ADAMDEC1: variants seen among roughly 807,000 people sequenced by gnomAD.
ADAMDEC1 encodes the protein ADAM like decysin 1, also known as ADAM DEC1.
Under a neutral mutation model 60.4 loss-of-function variants are expected in ADAMDEC1, and 62 were observed. That is an observed-to-expected ratio of 1.03 (90% CI 0.84 to 1.27). The LOEUF (loss-of-function observed/expected upper bound fraction) is 1.27. ADAMDEC1 is among the 50% of genes most tolerant of loss of function. The pLI, the probability that ADAMDEC1 is intolerant of heterozygous loss-of-function variation, is 0.00. For missense variants in ADAMDEC1, 595 were observed against 565.0 expected, an observed-to-expected ratio of 1.05 and a Z score of -0.54; for synonymous variants, 210 against 195.1, an observed-to-expected ratio of 1.08 and a Z score of -0.64.
intron 5 of ADAMDEC1, among the ~76,000 whole-genome samples, chr8:24,396,823 G>C (rs1260042108): frequency 6.6e-6 from 1 of 152,140 alleles, no homozygotes; most frequent in African/African-American, 2.4e-5. Flanking sequence ...TGTGATTATA[G>C]AAAGAGGGAT....
chr8:24,390,235 C>A, intron 1 of ADAMDEC1: 1 of 1,084,494 alleles, frequency 9.2e-7, no homozygotes, highest in Non-Finnish European at 1.2e-6. Flanking sequence ...TGCTTACTGT[C>A]TAGAAAAGAA....
At chr8:24,390,637 T>C (rs1481310727) in intron 1 of ADAMDEC1, among the ~76,000 whole-genome samples, 3 of 152,118 alleles carry the variant, frequency 2.0e-5, no homozygotes, top group African/African-American at 7.2e-5. Flanking sequence ...GGAGAATCGT[T>C]TGAACCTGGG....
chr8:24,386,346 T>G (rs1168305178), intron 1 of ADAMDEC1, among the ~76,000 whole-genome samples: 2 of 152,200 alleles, frequency 1.3e-5, no homozygotes, highest in African/African-American at 4.8e-5. Flanking sequence ...TTACCATCAT[T>G]TTTAACAGTG....
intron 13 of ADAMDEC1, among the ~76,000 whole-genome samples, chr8:24,405,022 G>C (rs1227793551): frequency 6.6e-6 from 1 of 152,094 alleles, no homozygotes; most frequent in African/African-American, 2.4e-5. Context: ...TACTGTGCAA[G>C]ATAGGCAATT....
At chr8:24,384,652 G>A in intron 1 of ADAMDEC1, 60 bp downstream of exon 1, 1 of 1,461,236 alleles carries the variant, frequency 6.8e-7, no homozygotes, top group Non-Finnish European at 9.3e-7. Flanking sequence ...AATGTTTAAA[G>A]TGCCTTTTGA....
intron 13 of ADAMDEC1, among the ~76,000 whole-genome samples, chr8:24,404,360 G>A (rs953674125): frequency 1.3e-5 from 2 of 152,114 alleles, no homozygotes; most frequent in African/African-American, 4.8e-5. Flanking sequence ...GTTAGAGAAC[G>A]ATGAGTTTAA....
chr8:24,399,626 C>A, intron 10 of ADAMDEC1, 152 bp downstream of exon 10: 1 of 698,528 alleles, frequency 1.4e-6, no homozygotes, highest in South Asian at 1.7e-5. Flanking sequence ...ACTGAAGATC[C>A]CTTGGGTTAT....
chr8:24,391,830 A>C (rs958038295), intron 1 of ADAMDEC1, among the ~76,000 whole-genome samples: 2 of 152,156 alleles, frequency 1.3e-5, no homozygotes, highest in Non-Finnish European at 2.9e-5. Flanking sequence ...CAGAGGGAAA[A>C]GGGTATAAAA....
At chr8:24,398,412 C>G in intron 7 of ADAMDEC1, 68 bp from the exon 8 acceptor site, 2 of 892,130 alleles carry the variant, frequency 2.2e-6, no homozygotes, top group Non-Finnish European at 3.6e-6. Flanking sequence ...AATGTGAAAT[C>G]TTGTATGCCA....
chr8:24,394,018 C>G (rs1351141611), intron 3 of ADAMDEC1, 51 bp from the exon 4 acceptor site: 2 of 1,263,758 alleles, frequency 1.6e-6, no homozygotes, highest in Non-Finnish European at 2.3e-6. Context: ...TCAGGAAGTT[C>G]TGCCTTTCTT....
In ADAMDEC1 at chr8:24,384,288, T is replaced by C; in HGVS notation, c.-217T>C. 1.9e-6 allele frequency: 1 copy of C among 525,316 alleles called. No homozygotes were observed. The highest frequency in any genetic ancestry group is 2.7e-5 in the South Asian group (1 of 37,284). The allele number at this position is 525,316 out of a possible 1,614,324, so 32.5% of individuals were successfully genotyped here. A position where few individuals can be genotyped will look rare whatever the true frequency, so the allele number is the denominator to read the frequency against. On this transcript the variant is annotated 5_prime_UTR_variant, in exon 1 of 14. The change abolishes an upstream ATG in the 5' untranslated region. Coordinates refer to ENST00000256412, the MANE Select transcript of ADAMDEC1 (RefSeq NM_014479.3). Reference sequence around the variant, plus strand: ...GCACCAGGGGCAAACAGTGTCCAGATGTGAGTCCTCAATGAGCTATAACCA... The same window carrying C: ...GCACCAGGGGCAAACAGTGTCCAGACGTGAGTCCTCAATGAGCTATAACCA...
chr8:24,388,143 C>T (rs912334766), intron 1 of ADAMDEC1, among the ~76,000 whole-genome samples: 1 of 152,158 alleles, frequency 6.6e-6, no homozygotes, highest in Non-Finnish European at 1.5e-5. Context: ...GTACCTACTT[C>T]TTGCCCTCTG....
Position 24,384,516 on chromosome 8 carries a change from G to T in ADAMDEC1, c.12G>T (p.Gly4=), listed in dbSNP as rs763836780. 1.2e-6 allele frequency: 2 copies of T among 1,608,142 alleles called. No homozygotes were observed. Among genetic ancestry groups the T allele is most frequent in the Non-Finnish European group, 8.5e-7 (1 of 1,177,106 alleles). Residue 4 remains glycine, a synonymous_variant, in exon 1 of 14, where the codon GGG becomes GGT. Coordinates refer to ENST00000256412, the MANE Select transcript of ADAMDEC1 (RefSeq NM_014479.3). ...GAGACCACAACTTCATGCTGCGTGG[G>T]ATCTCCCAGCTACCTGCAGTGGCCA... MLR[G]ISQLPAVATM... is the part of the protein sequence containing the mutation.
intron 1 of ADAMDEC1, among the ~76,000 whole-genome samples, chr8:24,385,646 A>C (rs1364266367): frequency 6.6e-6 from 1 of 152,134 alleles, no homozygotes; most frequent in African/African-American, 2.4e-5. Flanking sequence ...ACACCATCCC[A>C]ATGACAACAC....
In ADAMDEC1 at chr8:24,405,478, G is replaced by T; in HGVS notation, c.*180G>T. On this transcript the variant is annotated 3_prime_UTR_variant, in exon 14 of 14. Coordinates refer to ENST00000256412, the MANE Select transcript of ADAMDEC1 (RefSeq NM_014479.3). The stretch of plus-strand genomic sequence containing the variant: ...ATGTAATTAGAGACATTGGCTCTTT[G>T]TTTAGGCCTAATCTTTCTTTTTACT... 2 of 539,788 alleles carry T rather than the reference G, an allele frequency of 3.7e-6. No individual in the cohort carries two copies. Among genetic ancestry groups the T allele is most frequent in the South Asian group, 3.9e-5 (1 of 25,638 alleles). 33.4% of individuals were successfully genotyped at this position (539,788 alleles called of 1,614,324 possible). A position where few individuals can be genotyped will look rare whatever the true frequency, so the allele number is the denominator to read the frequency against.
At chr8:24,392,241 A>C (rs1295040399) in intron 1 of ADAMDEC1, 21 bp from the exon 2 acceptor site, 1 of 1,539,574 alleles carries the variant, frequency 6.5e-7, no homozygotes. Context: ...TTTTATGTGA[A>C]TATTATTTCT....
rs776033156 is a variant in ADAMDEC1 at position 24,405,278 on chromosome 8, T to C, written c.1407-14T>C. On this transcript the variant is annotated splice_polypyrimidine_tract_variant and intron_variant, in intron 13 of 13. Transcript: ENST00000256412. Reference sequence around the variant, plus strand: ...ATAACCCTGGCTTCCAAATTTTATTTTTCCTTCAATCAGAGAGTGAATCCA... The same window carrying C: ...ATAACCCTGGCTTCCAAATTTTATTCTTCCTTCAATCAGAGAGTGAATCCA... The C allele has an allele frequency of 6.2e-7, 1 of 1,612,036 alleles. No individual in the cohort carries two copies. Among genetic ancestry groups the C allele is most frequent in the Non-Finnish European group, 8.5e-7 (1 of 1,178,850 alleles).
intron 2 of ADAMDEC1, 47 bp from the exon 3 acceptor site, chr8:24,393,215 G>A (rs1380473616): frequency 3.4e-6 from 4 of 1,194,002 alleles, no homozygotes; most frequent in Non-Finnish European, 4.8e-6. Flanking sequence ...AATTATTTTA[G>A]TTATGCTCAG....
At chr8:24,388,554 A>T (rs1483711719) in intron 1 of ADAMDEC1, among the ~76,000 whole-genome samples, 12 of 151,870 alleles carry the variant, frequency 7.9e-5, no homozygotes, top group Non-Finnish European at 1.8e-4. Context: ...CCTACCTCAC[A>T]CTGGCCTCCT....
Sources: gnomAD v4.1 joint callset for allele counts (sites outside exome capture counted in the v4.1 genomes callset) on GRCh38, gnomAD v4.1.1 for gene constraint, MANE v1.5 for transcripts, NCBI Gene and HGNC (gene_info 2026-07-23, HGNC 2026-07-21) for gene names.